Variants in GFPT2 observed in about 807,000 individuals in gnomAD.
The protein encoded by GFPT2 is glutamine--fructose-6-phosphate aminotransferase [isomerizing] 2.
Under a neutral mutation model 85.6 loss-of-function variants are expected in GFPT2, and 62 were observed. The observed-to-expected ratio is 0.72, with a 90% CI of 0.59 to 0.90. The LOEUF is 0.90. GFPT2 is among the 40% of genes least tolerant of loss of function. GFPT2 has a pLI of 0.00. For missense variants in GFPT2, 788 were observed against 893.4 expected (o/e 0.88, Z 1.50); for synonymous variants, 368 against 344.5 (o/e 1.07, Z -0.75).
At chr5:180,316,913 T>C in intron 11 of GFPT2, 50 bp downstream of exon 11, 2 of 1,559,900 alleles carry the variant, frequency 1.3e-6, no homozygotes, top group South Asian at 1.1e-5. Flanking sequence ...GTCACCGCAT[T>C]CCCTGAGACT....
intron 16 of GFPT2, among the ~76,000 whole-genome samples, chr5:180,305,873 G>A (rs1763766068): frequency 6.6e-6 from 1 of 152,120 alleles, no homozygotes; most frequent in South Asian, 2.1e-4. Context: ...AGGAGATGGA[G>A]CTCAGTGAGG....
chr5:180,331,154 TCAGA>T (rs927111566), intron 5 of GFPT2, among the ~76,000 whole-genome samples: 4 of 152,220 alleles, frequency 2.6e-5, no homozygotes, highest in Non-Finnish European at 5.9e-5. Context: ...CTTTCAAACT[TCAGA>T]CAGTCACTGT....
rs746517275 is a variant in GFPT2, at chr5:180,328,304, T to C, written c.569A>G (p.His190Arg). ...GAFALVFKSV[H>R]YPGEAVATRR... ...TGTGGCAACGGCTTCTCCTGGGTAGTGGACACTCTTGAAAACCAGCGCGAA... is the reference window on the plus strand; with the variant it reads ...TGTGGCAACGGCTTCTCCTGGGTAGCGGACACTCTTGAAAACCAGCGCGAA... Residue 190 changes from histidine (H) to arginine (R), a missense_variant, in exon 7 of 19, where the codon CAC (histidine) becomes CGC (arginine). His to Arg is a conservative substitution (Grantham distance 29). Coordinates refer to ENST00000253778, the MANE Select transcript of GFPT2 (RefSeq NM_005110.4). This position sits in a 1 kb window ranked among gnomAD's most constrained non-coding sequence, Gnocchi z 5.4. 6.2e-6 allele frequency: 10 copies of C among 1,613,144 alleles called. No individual in the cohort carries two copies. Among genetic ancestry groups the C allele is most frequent in the Admixed American group, 5.0e-5 (3 of 59,992 alleles).
intron 8 of GFPT2, 127 bp from the exon 9 acceptor site, chr5:180,324,432 C>T (rs1483702788): frequency 3.5e-5 from 22 of 633,052 alleles, no homozygotes; most frequent in Admixed American, 2.9e-5. Flanking sequence ...TTGGCTGTGT[C>T]AGCCAAATCG....
intron 15 of GFPT2, among the ~76,000 whole-genome samples, chr5:180,311,280 A>G (rs1763876319): frequency 2.0e-5 from 3 of 152,212 alleles, no homozygotes; most frequent in Non-Finnish European, 4.4e-5. Flanking sequence ...GCCTGCACAG[A>G]AGTCTCTCTC....
In GFPT2 at chr5:180,317,555, C is replaced by G. The variant is rs144561132; in HGVS notation, c.959-497G>C. ...CGGGCGGATCACGAAGTCAGGAGAT[C>G]GAGACCATCCCGGCTAAAACAGTGA... On this transcript the variant is annotated intron_variant, in intron 10 of 18. Coordinates refer to ENST00000253778, the MANE Select transcript of GFPT2 (RefSeq NM_005110.4). 1.3e-4 allele frequency among the ~76,000 whole-genome samples: 20 copies of G among 151,030 alleles called. No individual in the cohort carries two copies. In the East Asian group the frequency reaches 2.1e-3, roughly 16 times the overall value.
At chr5:180,303,532 A>G (rs1763719922) in intron 17 of GFPT2, among the ~76,000 whole-genome samples, 4 of 152,154 alleles carry the variant, frequency 2.6e-5, no homozygotes, top group Admixed American at 2.6e-4. Context: ...ATAACGCAGG[A>G]CTGTGGGTCT....
chr5:180,313,712 G>T (rs1763944313), intron 14 of GFPT2, 95 bp downstream of exon 14: 1 of 1,045,550 alleles, frequency 9.6e-7, no homozygotes, highest in Admixed American at 2.9e-5. Context: ...AAAGAAAGGC[G>T]GTGGCGCGGG....
Position 180,328,177 on chromosome 5 carries a change from C to T in GFPT2, c.596+100G>A, listed in dbSNP as rs1764246223. ...GTTGTTCTTTAGACACCACGAGCAC[C>T]TTTCAGCGTGCCACAGGCCCTACCT... On this transcript the variant is annotated intron_variant, in intron 7 of 18. Transcript: ENST00000253778. The surrounding 1 kb of genome is among the most constrained non-coding windows in gnomAD (Gnocchi z 5.4). The T allele has an allele frequency of 1.1e-6, 1 of 904,392 alleles. No homozygotes were observed. The highest frequency in any genetic ancestry group is 1.6e-5 in the African/African-American group (1 of 61,560). 56.0% of individuals were successfully genotyped at this position (904,392 alleles called of 1,614,324 possible).
intron 5 of GFPT2, chr5:180,331,285 A>ACC (rs1764295180): frequency 1.7e-6 from 1 of 576,134 alleles, no homozygotes; most frequent in African/African-American, 1.9e-5. Flanking sequence ...GGCCCTTGAG[A>ACC]TAAACACTAA....
chr5:180,337,571 G>A (rs928780085), intron 2 of GFPT2, among the ~76,000 whole-genome samples: 17 of 151,784 alleles, frequency 1.1e-4, no homozygotes, highest in Admixed American at 5.2e-4. Flanking sequence ...AAATATCAAC[G>A]TACAACACCT....
At chr5:180,332,284 T>G (rs1362558877) in intron 4 of GFPT2, among the ~76,000 whole-genome samples, 1 of 152,044 alleles carries the variant, frequency 6.6e-6, no homozygotes, top group African/African-American at 2.4e-5. Flanking sequence ...CGGTGAGGGA[T>G]GTCTGCCTCC....
chr5:180,325,261 G>T (rs985614804), intron 7 of GFPT2, among the ~76,000 whole-genome samples: 4 of 152,138 alleles, frequency 2.6e-5, no homozygotes, highest in African/African-American at 9.7e-5. Context: ...GGCACTCTAG[G>T]TCTCCACCCA....
intron 7 of GFPT2, 38 bp from the exon 8 acceptor site, chr5:180,324,933 T>C: frequency 7.7e-7 from 1 of 1,304,734 alleles, no homozygotes; most frequent in Non-Finnish European, 1.1e-6. Flanking sequence ...CCCATTGCCT[T>C]TGACGCCCAG....
At position 180,318,495 on chromosome 5, in the gene GFPT2, T is replaced by G; in HGVS notation, c.958+298A>C. On this transcript the variant is annotated intron_variant, in intron 10 of 18. Coordinates refer to ENST00000253778, the MANE Select transcript of GFPT2 (RefSeq NM_005110.4). The surrounding 1 kb of genome is among the most constrained non-coding windows in gnomAD (Gnocchi z 4.2). ...TTCCACCCAGAGGAGAAATGATGCC[T>G]GAGGGTGGGCATGTGTCCCGCGGAG... 2.8e-6 allele frequency: 1 copy of G among 357,376 alleles called. No homozygotes were observed. Among genetic ancestry groups the G allele is most frequent in the Admixed American group, 3.9e-5 (1 of 25,432 alleles). 22.1% of individuals were successfully genotyped at this position (357,376 alleles called of 1,614,324 possible). A position where few individuals can be genotyped will look rare whatever the true frequency, so the allele number is the denominator to read the frequency against.
At chr5:180,316,259 G>A in intron 13 of GFPT2, 82 bp downstream of exon 13, 1 of 1,402,594 alleles carries the variant, frequency 7.1e-7, no homozygotes, top group South Asian at 1.2e-5. Context: ...GCCATGCAGA[G>A]GACTTAACTG....
At chr5:180,317,518 G>C (rs916848561) in intron 10 of GFPT2, among the ~76,000 whole-genome samples, 1 of 151,370 alleles carries the variant, frequency 6.6e-6, no homozygotes, top group Admixed American at 6.6e-5. Flanking sequence ...CCAGCACTTT[G>C]GGAGGCCGAG....
chr5:180,317,639 G>A (rs545104625), intron 10 of GFPT2, among the ~76,000 whole-genome samples: 1 of 139,700 alleles, frequency 7.2e-6, no homozygotes. Flanking sequence ...GGCGCCTGTA[G>A]TCCCAGCTAC....
intron 1 of GFPT2, among the ~76,000 whole-genome samples, chr5:180,339,781 C>T (rs188011816): frequency 1.8e-4 from 28 of 152,380 alleles, no homozygotes; most frequent in Admixed American, 1.4e-3. Flanking sequence ...AGTGCTCTCA[C>T]GTCATGGGAC....
Sources: allele counts gnomAD v4.1 joint callset (sites outside exome capture counted in the v4.1 genomes callset), GRCh38; gene constraint gnomAD v4.1.1; non-coding constraint Gnocchi (gnomAD v3.1); transcripts MANE v1.5; gene names NCBI Gene and HGNC (gene_info 2026-07-23, HGNC 2026-07-21).